GUCY2F: variants seen among roughly 807,000 people sequenced by gnomAD.
GUCY2F encodes retinal guanylyl cyclase 2.
Under a neutral mutation model 73.1 loss-of-function variants are expected in GUCY2F, and 61 were observed. The observed-to-expected ratio is 0.83, with a 90% CI of 0.68 to 1.03. The LOEUF (loss-of-function observed/expected upper bound fraction) is 1.03, where lower values mean the gene tolerates loss of function less well. Among genes scored for constraint, GUCY2F ranks in the 50% least tolerant of loss-of-function variants. The pLI is 0.00. For synonymous variants in GUCY2F, 331 were observed against 307.8 expected (o/e 1.08, Z -0.79); for missense variants, 912 against 854.3 (o/e 1.07, Z -0.84).
chrX:109,453,775 C>T lies in GUCY2F; in HGVS notation c.1117G>A (p.Ala373Thr). Residue 373 changes from alanine to threonine, a missense_variant, in exon 4 of 20, where the codon GCT (alanine) becomes ACT (threonine). Transcript: ENST00000218006. The stretch of plus-strand genomic sequence containing the variant: ...TGCTGAACCAGGCTGGCAGCACCAG[C>T]CTGTCCATTTTCTTTCATAGCATTA... ...MNNAMKENGQ[A>T]GAASLVQHSR... is the part of the protein sequence containing the mutation. 8.3e-7 allele frequency: 1 copy of T among 1,205,349 alleles called. No homozygotes were observed. The highest frequency in any genetic ancestry group is 2.2e-5 in the Admixed American group (1 of 45,967).
intron 11 of GUCY2F, among the ~76,000 whole-genome samples, chrX:109,397,282 G>C (rs1231348588): frequency 1.4e-4 from 16 of 111,179 alleles, no homozygotes; most frequent in African/African-American, 5.2e-4. Context: ...AGGTAGCTAG[G>C]GGCCAGATTG....
rs1163230929 is a variant in GUCY2F at position 109,400,195 on chromosome X, G to C, written c.2126-1497C>G. On this transcript the variant is annotated intron_variant, in intron 10 of 19. Coordinates refer to ENST00000218006, the MANE Select transcript of GUCY2F (RefSeq NM_001522.3). ...GAAGTTATTGCAGTAAGAGCAGGTA[G>C]TGAGGTGAGAGGGGCCTAAATGGGG... 3.7e-5 allele frequency among the ~76,000 whole-genome samples: 4 copies of C among 108,784 alleles called. No individual in the cohort carries two copies. In the East Asian group the frequency reaches 1.2e-3, roughly 32 times the overall value. 94.5% of individuals were successfully genotyped at this position (108,784 alleles called of 115,157 possible). A position where few individuals can be genotyped will look rare whatever the true frequency, so the allele number is the denominator to read the frequency against.
At chrX:109,471,661 A>C (rs533295956) in intron 2 of GUCY2F, among the ~76,000 whole-genome samples, 43 of 112,589 alleles carry the variant, frequency 3.8e-4, no homozygotes, top group African/African-American at 1.4e-3. Flanking sequence ...ACTTTGTCAA[A>C]GCAAAGAAAT....
intron 7 of GUCY2F, among the ~76,000 whole-genome samples, chrX:109,431,969 G>A (rs761537569): frequency 4.6e-5 from 5 of 109,855 alleles, no homozygotes; most frequent in South Asian, 7.9e-4. Context: ...GAGTTCAGAA[G>A]GGTAGTACCG....
At chrX:109,431,729 C>G (rs1188918220) in intron 7 of GUCY2F, among the ~76,000 whole-genome samples, 2 of 107,347 alleles carry the variant, frequency 1.9e-5, no homozygotes, top group East Asian at 5.9e-4. Flanking sequence ...TGTAACCACT[C>G]TCTTATTAAG....
At chrX:109,398,373 C>A (rs993775560) in intron 11 of GUCY2F, among the ~76,000 whole-genome samples, 176 bp downstream of exon 11, 4 of 111,886 alleles carry the variant, frequency 3.6e-5, no homozygotes, top group East Asian at 2.8e-4. Flanking sequence ...GGCGAAATTT[C>A]TTCCAGATGC....
At chrX:109,447,613 C>T (rs1161861282) in intron 6 of GUCY2F, among the ~76,000 whole-genome samples, 2 of 69,876 alleles carry the variant, frequency 2.9e-5, no homozygotes, top group African/African-American at 1.2e-4. Context: ...CACCACACAC[C>T]GGGGCCTGTC....
At position 109,398,716 on chromosome X, in the gene GUCY2F, T is replaced by C; in HGVS notation, c.2126-18A>G. On this transcript the variant is annotated intron_variant, in intron 10 of 19. Transcript: ENST00000218006. Reference sequence around the variant, plus strand: ...CAGCAGCTCTAAAAAGAAAGCATTGTGTAATGAATGCAGGGAGGATTAACT... The same window carrying C: ...CAGCAGCTCTAAAAAGAAAGCATTGCGTAATGAATGCAGGGAGGATTAACT... The C allele has an allele frequency of 8.4e-7, 1 of 1,196,849 alleles. No homozygotes were observed. Among genetic ancestry groups the C allele is most frequent in the Non-Finnish European group, 1.1e-6 (1 of 883,273 alleles).
chrX:109,396,672 A>G (rs745477561), intron 11 of GUCY2F, among the ~76,000 whole-genome samples: 63 of 112,054 alleles, frequency 5.6e-4, no homozygotes, highest in Middle Eastern at 4.6e-3. Flanking sequence ...ATAACACTCC[A>G]ACAGTGCTGC....
chrX:109,466,987 A>G (rs111439866), intron 2 of GUCY2F, among the ~76,000 whole-genome samples: 7 of 112,269 alleles, frequency 6.2e-5, no homozygotes, highest in African/African-American at 2.3e-4. Context: ...ACATGACATG[A>G]GTTTTCAAAT....
Position 109,392,006 on chromosome X carries a change from T to C in GUCY2F, c.2686A>G (p.Ile896Val), listed in dbSNP as rs1930573854. 1.7e-6 allele frequency: 2 copies of C among 1,205,017 alleles called. No individual in the cohort carries two copies. Among genetic ancestry groups the C allele is most frequent in the African/African-American group, 1.8e-5 (1 of 56,925 alleles). ...YFSDIVGFTT[I>V]SAMSEPIEVV... ...TCAATGGGCTCACTCATGGCTGAAA[T>C]GGTTGTGAAGCCCACAATGTCGCTG... The change falls in exon 14 of 20, where the codon ATT becomes GTT. Residue 896 changes from isoleucine (I) to valine (V), a missense_variant. Physicochemically the swap from Ile to Val is conservative, Grantham distance 29. Coordinates refer to ENST00000218006, the MANE Select transcript of GUCY2F (RefSeq NM_001522.3).
At chrX:109,476,114 ATGGCAGTGCCCAAACT>A in intron 1 of GUCY2F, 93 bp from the exon 2 acceptor site, 1 of 393,936 alleles carries the variant, frequency 2.5e-6, no homozygotes, top group Non-Finnish European at 4.2e-6. Context: ...AAAAAAAAAA[ATGGCAGTGCCCAAACT>A]AAAAGTTTCT....
intron 8 of GUCY2F, among the ~76,000 whole-genome samples, chrX:109,425,852 T>C (rs1396609797): frequency 9.0e-6 from 1 of 110,970 alleles, no homozygotes; most frequent in Non-Finnish European, 1.9e-5. Context: ...AAGACAATCT[T>C]AGTAGCTCTA....
At chrX:109,452,151 G>A in intron 4 of GUCY2F, 44 bp from the exon 5 acceptor site, 1 of 716,180 alleles carries the variant, frequency 1.4e-6, no homozygotes, top group Non-Finnish European at 2.2e-6. Context: ...TTATCAGAGA[G>A]AGGCAGTAAA....
At chrX:109,407,008 C>T (rs753846728) in intron 9 of GUCY2F, among the ~76,000 whole-genome samples, 43 of 111,945 alleles carry the variant, frequency 3.8e-4, no homozygotes, top group Non-Finnish European at 6.6e-4. Flanking sequence ...AAAAGATACT[C>T]GAAAATGTGG....
intron 1 of GUCY2F, among the ~76,000 whole-genome samples, chrX:109,478,941 C>T (rs1224010767): frequency 9.8e-5 from 11 of 112,014 alleles, no homozygotes; most frequent in Non-Finnish European, 1.7e-4. Context: ...AAACTGAGTT[C>T]GAATCATTCA....
intron 14 of GUCY2F, among the ~76,000 whole-genome samples, chrX:109,390,821 C>T (rs1472417504): frequency 1.8e-5 from 2 of 112,849 alleles, no homozygotes; most frequent in Admixed American, 9.3e-5. Context: ...TCTTGATTAG[C>T]TTGCAGCTCC....
chrX:109,460,507 A>C (rs1932340426), intron 3 of GUCY2F, among the ~76,000 whole-genome samples: 1 of 111,938 alleles, frequency 8.9e-6, no homozygotes, highest in African/African-American at 3.2e-5. Flanking sequence ...TTTCTACCCT[A>C]GATTTGTATA....
chrX:109,462,267 C>T (rs1005213711), intron 3 of GUCY2F, among the ~76,000 whole-genome samples: 16 of 112,956 alleles, frequency 1.4e-4, no homozygotes, highest in African/African-American at 5.1e-4. Flanking sequence ...AGTAACTTGC[C>T]GAAGGGCACA....
Sources: allele counts gnomAD v4.1 joint callset (sites outside exome capture counted in the v4.1 genomes callset), GRCh38; gene constraint gnomAD v4.1.1; transcripts MANE v1.5; gene names NCBI Gene and HGNC (gene_info 2026-07-23, HGNC 2026-07-21).